The following KALRN variants were observed in gnomAD, a reference collection of about 807,000 sequenced individuals.
The protein encoded by KALRN is kalirin.
A neutral mutation model predicts 353.7 loss-of-function variants in KALRN; 70 were observed. That is an observed-to-expected ratio of 0.20 (90% confidence interval 0.16 to 0.24). The LOEUF is 0.24. Among genes scored for constraint, KALRN ranks in the 10% least tolerant of loss-of-function variants. KALRN has a pLI of 1.00. For synonymous variants in KALRN, 1,391 were observed against 1,434.8 expected, an observed-to-expected ratio of 0.97 and a Z score of 0.69; for missense variants, 2,791 against 3,756.7, an observed-to-expected ratio of 0.74 and a Z score of 6.72.
In KALRN at chr3:124,491,303, T is replaced by C; in HGVS notation, c.4588-20T>C. 1 of 1,476,212 alleles carries C rather than the reference T, an allele frequency of 6.8e-7. No homozygotes were observed. Among genetic ancestry groups the C allele is most frequent in the Non-Finnish European group, 9.2e-7 (1 of 1,089,428 alleles). The allele number at this position is 1,476,212 out of a possible 1,614,324, so 91.4% of individuals were successfully genotyped here. A position where few individuals can be genotyped will look rare whatever the true frequency, so the allele number is the denominator to read the frequency against. On this transcript the variant is annotated intron_variant, in intron 30 of 59. Transcript: ENST00000682506. ...CTGCCCTCCCCTTCCCCGCCTCTCA[T>C]AGGCATTTCCTGTCTACAGACCTCA... is the stretch of plus-strand genomic sequence containing the variant.
chr3:124,304,060 T>C (rs180701672), intron 6 of KALRN, among the ~76,000 whole-genome samples: 21 of 152,068 alleles, frequency 1.4e-4, no homozygotes, highest in Admixed American at 1.2e-3. Flanking sequence ...ACCATGATTC[T>C]GTGGCACTTC....
intron 13 of KALRN, among the ~76,000 whole-genome samples, chr3:124,400,452 T>C (rs2090719195): frequency 6.6e-6 from 1 of 152,244 alleles, no homozygotes; most frequent in African/African-American, 2.4e-5. Context: ...AGACCTTAAC[T>C]ATCCTTCCAA....
chr3:124,201,547 GA>G (rs78110009), intron 1 of KALRN, among the ~76,000 whole-genome samples: 2 of 150,148 alleles, frequency 1.3e-5, no homozygotes, highest in South Asian at 2.1e-4. Context: ...GAATCCTTTG[GA>G]AAAAAAAAGG....
At chr3:124,195,285 T>C (rs1030599722) in intron 1 of KALRN, among the ~76,000 whole-genome samples, 5 of 152,306 alleles carry the variant, frequency 3.3e-5, no homozygotes, top group African/African-American at 1.2e-4. Flanking sequence ...GAACTTACCT[T>C]TCTTAAGACC....
At position 124,666,478 on chromosome 3, in the gene KALRN, G is replaced by A. The variant is rs1306795830; in HGVS notation, c.6375G>A (p.Leu2125=). ...EGTLTAQGKL[L]QQDTFYVIEL... The stretch of plus-strand genomic sequence containing the variant: ...CTCTGACTGCTCAGGGGAAGCTGCT[G>A]CAGCAGGACACATTCTATGTGATCG... The change falls in exon 46 of 60, where the codon CTG becomes CTA. Residue 2125 remains leucine, a synonymous_variant. Coordinates refer to ENST00000682506, the MANE Select transcript of KALRN (RefSeq NM_001388419.1). 6.2e-7 allele frequency: 1 copy of A among 1,614,036 alleles called. No homozygotes were observed. The highest frequency in any genetic ancestry group is 8.5e-7 in the Non-Finnish European group (1 of 1,179,898).
chr3:124,154,305 A>G (rs2068644645), intron 1 of KALRN, among the ~76,000 whole-genome samples: 1 of 152,330 alleles, frequency 6.6e-6, no homozygotes, highest in East Asian at 1.9e-4. Context: ...CAATTACAAA[A>G]ACAGGAAGTC....
At chr3:124,372,994 C>T (rs932976230) in intron 10 of KALRN, among the ~76,000 whole-genome samples, 1 of 152,048 alleles carries the variant, frequency 6.6e-6, no homozygotes, top group African/African-American at 2.4e-5. Context: ...CAACTCCCTC[C>T]CCCAGCCCAT....
intron 1 of KALRN, among the ~76,000 whole-genome samples, chr3:124,049,901 A>G (rs1223252776): frequency 6.6e-6 from 1 of 151,530 alleles, no homozygotes. Context: ...ATAAGCCCCC[A>G]CCCCTGTTTT....
At chr3:124,272,320 TG>T (rs1297984105) in intron 5 of KALRN, among the ~76,000 whole-genome samples, 1 of 152,192 alleles carries the variant, frequency 6.6e-6, no homozygotes, top group East Asian at 1.9e-4. Flanking sequence ...ACAGCCCTGA[TG>T]TGATATGAAA....
intron 5 of KALRN, among the ~76,000 whole-genome samples, chr3:124,284,246 C>T (rs1249352622): frequency 6.6e-6 from 1 of 152,226 alleles, no homozygotes; most frequent in Admixed American, 6.5e-5. Context: ...AAAAGCAAAT[C>T]TGAGCTATCA....
Position 124,351,855 on chromosome 3 carries a change from G to T in KALRN, c.1770+4590G>T, listed in dbSNP as rs72978418. 3.8e-3 allele frequency among the ~76,000 whole-genome samples: 576 copies of T among 152,266 alleles called. 2 individuals carry two copies. Among genetic ancestry groups the T allele is most frequent in the African/African-American group, 0.014 (566 of 41,540 alleles). ...CCATTTGAAGATGAATTAAATATTT[G>T]AGTCCTCAGTTCATCCTGCAGATGG... On this transcript the variant is annotated intron_variant, in intron 10 of 59. Transcript: ENST00000682506.
At chr3:124,089,470 G>T (rs1167017066) in intron 1 of KALRN, among the ~76,000 whole-genome samples, 4 of 152,100 alleles carry the variant, frequency 2.6e-5, no homozygotes, top group Admixed American at 2.6e-4. Flanking sequence ...CCTCCTGTTG[G>T]CCATGAAGTA....
intron 1 of KALRN, among the ~76,000 whole-genome samples, chr3:124,203,980 T>C (rs2076179838): frequency 6.6e-6 from 1 of 152,232 alleles, no homozygotes; most frequent in Non-Finnish European, 1.5e-5. Flanking sequence ...GTGAGTTCCA[T>C]AGGGTCCTCA....
intron 51 of KALRN, among the ~76,000 whole-genome samples, chr3:124,685,798 T>C (rs1349728856): frequency 6.6e-6 from 1 of 152,194 alleles, no homozygotes; most frequent in Non-Finnish European, 1.5e-5. Context: ...CTGTCATGCA[T>C]GTTCCATCGC....
intron 21 of KALRN, among the ~76,000 whole-genome samples, chr3:124,452,287 G>A (rs1362102828): frequency 1.3e-5 from 2 of 152,154 alleles, no homozygotes; most frequent in Non-Finnish European, 2.9e-5. Context: ...TGCTGGTCTA[G>A]CTTTACTCAC....
chr3:124,255,716 C>T (rs1184380528), intron 3 of KALRN, among the ~76,000 whole-genome samples: 1 of 152,118 alleles, frequency 6.6e-6, no homozygotes, highest in Non-Finnish European at 1.5e-5. Context: ...GGAAGAGCCC[C>T]TTATCCCAGT....
At chr3:124,300,349 A>C (rs1237170962) in intron 6 of KALRN, among the ~76,000 whole-genome samples, 3 of 152,186 alleles carry the variant, frequency 2.0e-5, no homozygotes, top group Non-Finnish European at 4.4e-5. Context: ...TGAAAACAAC[A>C]GAGGTTTGTT....
chr3:124,091,757 C>T (rs2061131890), intron 1 of KALRN, among the ~76,000 whole-genome samples: 1 of 152,066 alleles, frequency 6.6e-6, no homozygotes, highest in African/African-American at 2.4e-5. Flanking sequence ...AATAGTTGTG[C>T]TTGCTTTGAC....
chr3:124,550,129 A>C (rs1388382498), intron 33 of KALRN, among the ~76,000 whole-genome samples: 1 of 152,216 alleles, frequency 6.6e-6, no homozygotes, highest in Non-Finnish European at 1.5e-5. Context: ...GGGGCTTCCA[A>C]GAGACAAAGG....
Sources: allele counts gnomAD v4.1 joint callset (sites outside exome capture counted in the v4.1 genomes callset), GRCh38; gene constraint gnomAD v4.1.1; transcripts MANE v1.5; gene names NCBI Gene and HGNC (gene_info 2026-07-23, HGNC 2026-07-21).